PCDHA2: variants seen among roughly 807,000 people sequenced by gnomAD.
PCDHA2 encodes protocadherin alpha 2, also known as protocadherin alpha-2.
A neutral mutation model predicts 66.0 loss-of-function variants in PCDHA2; 58 were observed. The observed-to-expected ratio is 0.88, with a 90% CI of 0.71 to 1.09. The LOEUF (loss-of-function observed/expected upper bound fraction) is 1.09, where lower values mean the gene tolerates loss of function less well. Ranked by LOEUF, PCDHA2 falls within the 50% of genes least tolerant of loss-of-function variation. The probability of loss-of-function intolerance (pLI) is 0.00; values close to 1 mark genes in which losing one functional copy is unlikely to be tolerated. For missense variants in PCDHA2, 1,267 were observed against 1,242.3 expected (o/e 1.02, Z -0.30); for synonymous variants, 634 against 554.0 (o/e 1.14, Z -2.03).
In PCDHA2 at chr5:140,851,081, A is replaced by C. The variant is rs1259623632; in HGVS notation, c.2388+53729A>C. 1.0e-5 allele frequency: 13 copies of C among 1,303,686 alleles called. No individual in the cohort carries two copies. In the East Asian group the frequency reaches 3.5e-4, roughly 35 times the overall value. 80.8% of individuals were successfully genotyped at this position (1,303,686 alleles called of 1,614,324 possible). Reference sequence around the variant, plus strand: ...ACTTCTAGTGAGAATTATAAACTGTATATTAAATAGATATTTTTTGGGTGC... The same window carrying C: ...ACTTCTAGTGAGAATTATAAACTGTCTATTAAATAGATATTTTTTGGGTGC... On this transcript the variant is annotated intron_variant, in intron 1 of 3. Transcript: ENST00000526136.
At position 140,848,431 on chromosome 5, in the gene PCDHA2, A is replaced by T; in HGVS notation, c.2388+51079A>T. On this transcript the variant is annotated intron_variant, in intron 1 of 3. Transcript: ENST00000526136. ...GAACACAGCAGAATGGGACTGACGAAATCAGATGATTTCTTCTAATTTGGA... is the reference window on the plus strand; with the variant it reads ...GAACACAGCAGAATGGGACTGACGATATCAGATGATTTCTTCTAATTTGGA... 2.7e-6 allele frequency: 4 copies of T among 1,467,178 alleles called. 2 individuals are homozygous for T. The highest frequency in any genetic ancestry group is 3.7e-6 in the Non-Finnish European group (4 of 1,073,724). 90.9% of individuals were successfully genotyped at this position (1,467,178 alleles called of 1,614,324 possible). A position where few individuals can be genotyped will look rare whatever the true frequency, so the allele number is the denominator to read the frequency against.
chr5:140,840,466 GA>G (rs1437406767), intron 1 of PCDHA2, among the ~76,000 whole-genome samples: 3 of 151,870 alleles, frequency 2.0e-5, no homozygotes, highest in Non-Finnish European at 2.9e-5. Context: ...AAAAGTTGGG[GA>G]AAAAAGTTTA....
chr5:140,809,106 C>T (rs540996422), intron 1 of PCDHA2: 54 of 1,613,952 alleles, frequency 3.3e-5, no homozygotes, highest in Admixed American at 6.7e-5. Context: ...CTGGACGAAA[C>T]GGACGCTCCG....
intron 1 of PCDHA2, among the ~76,000 whole-genome samples, chr5:140,827,602 C>T (rs2150148400): frequency 1.3e-5 from 2 of 152,268 alleles, no homozygotes; most frequent in Non-Finnish European, 2.9e-5. Flanking sequence ...CAGATGTGGG[C>T]AAGTTTCTTT....
chr5:140,871,036 C>A (rs781977409), intron 1 of PCDHA2: 2 of 1,613,156 alleles, frequency 1.2e-6, no homozygotes, highest in East Asian at 2.2e-5. Flanking sequence ...GCCGCGCCAC[C>A]GACTTCTAGT....
At chr5:140,872,547 A>G (rs1438827788) in intron 1 of PCDHA2, among the ~76,000 whole-genome samples, 1 of 152,128 alleles carries the variant, frequency 6.6e-6, no homozygotes, top group Non-Finnish European at 1.5e-5. Context: ...GGATCCCCTG[A>G]ACCCAGGGGT....
intron 1 of PCDHA2, among the ~76,000 whole-genome samples, chr5:140,944,308 C>T (rs1385219466): frequency 6.6e-6 from 1 of 152,138 alleles, no homozygotes; most frequent in Non-Finnish European, 1.5e-5. Context: ...CTACCTCAGC[C>T]TCCTGAGTAG....
chr5:140,999,528 T>A (rs1414595805), intron 3 of PCDHA2, among the ~76,000 whole-genome samples: 1 of 152,080 alleles, frequency 6.6e-6, no homozygotes, highest in Non-Finnish European at 1.5e-5. Context: ...TGTTACCCCC[T>A]GGATATGACA....
intron 1 of PCDHA2, among the ~76,000 whole-genome samples, chr5:140,940,000 G>A (rs1442780881): frequency 6.6e-6 from 1 of 152,080 alleles, no homozygotes; most frequent in Non-Finnish European, 1.5e-5. Context: ...CTTGGATTTT[G>A]TCAATTTTTT....
intron 1 of PCDHA2, chr5:140,823,224 G>A (rs2150123702): frequency 6.2e-7 from 1 of 1,613,550 alleles, no homozygotes; most frequent in Non-Finnish European, 8.5e-7. Context: ...ACGCGGACGC[G>A]CAGGAGAACG....
At chr5:140,850,240 T>A (rs2041453726) in intron 1 of PCDHA2, 1 of 1,593,332 alleles carries the variant, frequency 6.3e-7, no homozygotes, top group Non-Finnish European at 8.6e-7. Context: ...GAGATGGTGC[T>A]GCGGTCGGTG....
At chr5:141,003,081 T>C (rs2098110268) in intron 3 of PCDHA2, among the ~76,000 whole-genome samples, 1 of 152,238 alleles carries the variant, frequency 6.6e-6, no homozygotes, top group Admixed American at 6.5e-5. Context: ...AGGGTGAGTT[T>C]AACAGGCCTG....
intron 1 of PCDHA2, chr5:140,808,734 A>C: frequency 6.2e-7 from 1 of 1,612,162 alleles, no homozygotes; most frequent in South Asian, 1.1e-5. Context: ...GAGAGCGGCA[A>C]GGTGTACGCG....
chr5:140,830,801 T>G (rs2150103350), intron 1 of PCDHA2: 1 of 158,724 alleles, frequency 6.3e-6, no homozygotes, highest in African/African-American at 2.4e-5. Flanking sequence ...TTATATGGGA[T>G]TTTCATTTGT....
At chr5:140,941,210 TC>T (rs2092849552) in intron 1 of PCDHA2, among the ~76,000 whole-genome samples, 1 of 100,630 alleles carries the variant, frequency 9.9e-6, no homozygotes, top group African/African-American at 5.4e-5. Flanking sequence ...TTCCTTTCTT[TC>T]TTCCTTTCTT....
chr5:140,992,400 T>C (rs1019164556), intron 3 of PCDHA2, among the ~76,000 whole-genome samples: 1 of 152,124 alleles, frequency 6.6e-6, no homozygotes, highest in Admixed American at 6.5e-5. Context: ...CTTAGAGATA[T>C]TGTTCTGCCC....
chr5:140,854,977 TAA>T (rs1490138607), intron 1 of PCDHA2, among the ~76,000 whole-genome samples: 1 of 149,962 alleles, frequency 6.7e-6, no homozygotes, highest in Non-Finnish European at 1.5e-5. Flanking sequence ...GAATTATAAT[TAA>T]GATTCTTTTT....
chr5:140,803,386 G>A, intron 1 of PCDHA2: 1 of 1,614,232 alleles, frequency 6.2e-7, no homozygotes, highest in Non-Finnish European at 8.5e-7. Flanking sequence ...CCAACCGAAG[G>A]CGACTGTGGG....
chr5:140,877,389 G>A (rs1554169667), intron 1 of PCDHA2: 3 of 1,613,994 alleles, frequency 1.9e-6, no homozygotes, highest in South Asian at 1.1e-5. Flanking sequence ...TCCTGGATGA[G>A]GCGGACGCTC....
Sources: allele counts gnomAD v4.1 joint callset (sites outside exome capture counted in the v4.1 genomes callset), GRCh38; gene constraint gnomAD v4.1.1; transcripts MANE v1.5; gene names NCBI Gene and HGNC (gene_info 2026-07-23, HGNC 2026-07-21).